The following RACGAP1 variants were observed in gnomAD, a reference collection of about 807,000 sequenced individuals.
RACGAP1 encodes the protein rac GTPase-activating protein 1.
RACGAP1 carries 30 observed loss-of-function variants against 78.1 expected under a neutral mutation model. That is an observed-to-expected ratio of 0.38 (90% CI 0.29 to 0.52). RACGAP1 has a LOEUF of 0.52. Among genes scored for constraint, RACGAP1 ranks in the 20% least tolerant of loss-of-function variants. RACGAP1 has a pLI of 0.82. For synonymous variants in RACGAP1, 231 were observed against 264.8 expected, an observed-to-expected ratio of 0.87 and a Z score of 1.24; for missense variants, 587 against 777.1, an observed-to-expected ratio of 0.76 and a Z score of 2.91.
At chr12:50,031,377 A>G (rs113443159) in intron 2 of RACGAP1, among the ~76,000 whole-genome samples, 8,262 of 147,826 alleles carry the variant, frequency 0.056, 768 homozygotes, top group African/African-American at 0.19. Context: ...TACTCAGGAG[A>G]CTGAGGCAGG....
intron 8 of RACGAP1, 93 bp downstream of exon 8, chr12:49,999,523 C>A: frequency 8.6e-7 from 1 of 1,162,106 alleles, no homozygotes; most frequent in Non-Finnish European, 1.3e-6. Flanking sequence ...CCAATACATC[C>A]AATCCCCGCC....
Position 50,001,245 on chromosome 12 carries a change from G to T in RACGAP1, c.557C>A (p.Thr186Asn). ...KLKKREKRRS[T>N]SRQFVDGPPG... ...GGGACCATCAACAAACTGTCGGCTA[G>T]TAGAGCGCTAGAAAGGAGACAAAGA... The change falls in exon 7 of 17, where the codon ACT becomes AAT. Residue 186 changes from threonine (T) to asparagine (N), a missense_variant. Physicochemically the swap from Thr to Asn is moderately conservative, Grantham distance 65. Transcript: ENST00000312377. The T allele has an allele frequency of 6.2e-7, 1 of 1,608,656 alleles. No homozygotes were observed. Among genetic ancestry groups the T allele is most frequent in the Non-Finnish European group, 8.5e-7 (1 of 1,175,182 alleles).
In RACGAP1 at chr12:50,025,470, G is replaced by A. The variant is rs367664098; in HGVS notation, c.-77C>T. On this transcript the variant is annotated 5_prime_UTR_variant, in exon 1 of 17. Transcript: ENST00000312377. ...CCTCACCCAACGGCAGAGCAGCGCCGCGCCCACAGCTCCGGTTTGAAAACC... is the reference window on the plus strand; with the variant it reads ...CCTCACCCAACGGCAGAGCAGCGCCACGCCCACAGCTCCGGTTTGAAAACC... 19 of 985,660 alleles carry A rather than the reference G, an allele frequency of 1.9e-5. No homozygotes were observed. The East Asian group carries it at 6.8e-4, about 35-fold the overall frequency. 61.1% of individuals were successfully genotyped at this position (985,660 alleles called of 1,614,324 possible).
At chr12:50,009,466 AT>A (rs11377593) in intron 2 of RACGAP1, among the ~76,000 whole-genome samples, 6 of 149,604 alleles carry the variant, frequency 4.0e-5, no homozygotes, top group Non-Finnish European at 7.4e-5. Flanking sequence ...AGAAATCCTG[AT>A]TTTTTTTTTC....
chr12:50,001,764 C>T (rs1052631974), intron 6 of RACGAP1, among the ~76,000 whole-genome samples: 1 of 152,204 alleles, frequency 6.6e-6, no homozygotes, highest in African/African-American at 2.4e-5. Flanking sequence ...TAAGTTACTA[C>T]TTCAAAGAGT....
upstream of RACGAP1, among the ~76,000 whole-genome samples, chr12:50,027,839 A>G (rs1950294355): frequency 6.6e-6 from 1 of 152,162 alleles, no homozygotes. Flanking sequence ...TCAATCAATC[A>G]ATCAATCAAT....
intron 6 of RACGAP1, among the ~76,000 whole-genome samples, chr12:50,001,670 C>A (rs906368809): frequency 6.6e-6 from 1 of 152,174 alleles, no homozygotes; most frequent in African/African-American, 2.4e-5. Flanking sequence ...TATGACAATT[C>A]AAAACAAACT....
At chr12:50,015,008 A>G (rs1200105328) in intron 2 of RACGAP1, among the ~76,000 whole-genome samples, 1 of 144,216 alleles carries the variant, frequency 6.9e-6, no homozygotes. Flanking sequence ...ACACCAGTGC[A>G]CTCCAGCCTG....
chr12:50,022,474 C>T (rs1950059663), intron 1 of RACGAP1, among the ~76,000 whole-genome samples: 2 of 152,018 alleles, frequency 1.3e-5, no homozygotes, highest in South Asian at 4.1e-4. Flanking sequence ...CCCAGCTCCT[C>T]AGGAGGCTGA....
exon 2 of RACGAP1, chr12:50,031,847 G>C: frequency 3.1e-6 from 2 of 649,014 alleles, no homozygotes; most frequent in Non-Finnish European, 3.8e-6. Context: ...TCACAGGTCA[G>C]CTGTGGCTTG....
intron 3 of RACGAP1, among the ~76,000 whole-genome samples, chr12:50,005,926 A>G (rs1480272159): frequency 6.6e-6 from 1 of 152,228 alleles, no homozygotes; most frequent in Non-Finnish European, 1.5e-5. Context: ...TGGCACATCA[A>G]AATGATAGTG....
At position 49,994,468 on chromosome 12, in the gene RACGAP1, G is replaced by A. The variant is rs746194849; in HGVS notation, c.1086C>T (p.Ile362=). The change falls in exon 11 of 17, where the codon ATC becomes ATT. Residue 362 remains isoleucine (I), a synonymous_variant. Coordinates refer to ENST00000312377, the MANE Select transcript of RACGAP1 (RefSeq NM_001319999.2). The stretch of plus-strand genomic sequence containing the variant: ...TTACACAATGCACAACAATGGAGGG[G>A]ATCATTGGAGAAGTCTGGGACACAA... ...ADFVSQTSPM[I]PSIVVHCVNE... is the part of the protein sequence containing the mutation. The A allele has an allele frequency of 5.0e-6, 8 of 1,613,838 alleles. No homozygotes were observed. The highest frequency in any genetic ancestry group is 3.3e-5 in the Admixed American group (2 of 59,978).
At chr12:50,000,001 G>A (rs975936436) in intron 7 of RACGAP1, among the ~76,000 whole-genome samples, 3 of 142,864 alleles carry the variant, frequency 2.1e-5, no homozygotes, top group African/African-American at 5.4e-5. Flanking sequence ...ACAAGCATGC[G>A]CCACCACACC....
chr12:49,998,261 G>A (rs755798104), intron 9 of RACGAP1, among the ~76,000 whole-genome samples: 2 of 152,112 alleles, frequency 1.3e-5, no homozygotes, highest in East Asian at 2.0e-4. Context: ...AAAATTGGCC[G>A]GGCATGGTGG....
At chr12:50,011,331 C>CA (rs34796842) in intron 2 of RACGAP1, among the ~76,000 whole-genome samples, 3,245 of 70,834 alleles carry the variant, frequency 0.046, 69 homozygotes, top group Non-Finnish European at 0.061. Context: ...GAGACTGTCT[C>CA]AAAAAAAAAA....
At chr12:50,022,226 A>T (rs1950046463) in intron 1 of RACGAP1, among the ~76,000 whole-genome samples, 1 of 152,204 alleles carries the variant, frequency 6.6e-6, no homozygotes, top group Non-Finnish European at 1.5e-5. Context: ...TTTATTATCT[A>T]TAACATTCAT....
At chr12:50,019,737 G>T (rs1949900498) in intron 1 of RACGAP1, 1 of 50,902 alleles carries the variant, frequency 2.0e-5, no homozygotes, top group Middle Eastern at 9.1e-3. Context: ...AAGGTCCTGG[G>T]ACAAACCTTT....
intron 1 of RACGAP1, among the ~76,000 whole-genome samples, chr12:50,024,275 T>C (rs370688485): frequency 2.0e-4 from 30 of 152,202 alleles, no homozygotes; most frequent in East Asian, 5.8e-4. Flanking sequence ...CAACGAAGGA[T>C]TGGATAAAGA....
At chr12:50,000,967 G>T (rs1024695783) in intron 7 of RACGAP1, among the ~76,000 whole-genome samples, 3 of 152,256 alleles carry the variant, frequency 2.0e-5, no homozygotes, top group African/African-American at 7.2e-5. Context: ...AGAATCACTT[G>T]AACCTGGAAG....
Sources: gnomAD v4.1 joint callset for allele counts (sites outside exome capture counted in the v4.1 genomes callset) on GRCh38, gnomAD v4.1.1 for gene constraint, MANE v1.5 for transcripts, NCBI Gene and HGNC (gene_info 2026-07-23, HGNC 2026-07-21) for gene names.